Variants in STAMBPL1 observed in about 807,000 individuals in gnomAD.
The protein encoded by STAMBPL1 is STAM binding protein like 1, also known as AMSH-like protease.
Under a neutral mutation model 52.9 loss-of-function variants are expected in STAMBPL1, and 44 were observed. The observed-to-expected ratio is 0.83, with a 90% CI of 0.65 to 1.07. The LOEUF is 1.07. STAMBPL1 is among the 50% of genes least tolerant of loss of function. The pLI is 0.00. For missense variants in STAMBPL1, 511 were observed against 520.8 expected, an observed-to-expected ratio of 0.98 and a Z score of 0.18; for synonymous variants, 164 against 177.3, an observed-to-expected ratio of 0.92 and a Z score of 0.60.
intron 1 of STAMBPL1, among the ~76,000 whole-genome samples, chr10:88,896,618 G>GACAATTGGAAACAATATTTTTGAT (rs1844816873): frequency 6.6e-6 from 1 of 152,110 alleles, no homozygotes; most frequent in Non-Finnish European, 1.5e-5. Context: ...AACTGCCAAT[G>GACAATTGGAAACAATATTTTTGAT]GGCCACACCT....
Position 88,906,507 on chromosome 10 carries a change from CAAAT to C in STAMBPL1, c.248+851_248+854del, listed in dbSNP as rs773621260. Reference sequence around the variant, plus strand: ...TATTTATTAATTTTATTTAAGTTGACAAATAAAAATTATATGTATTTGTGGTATG... The same window carrying C: ...TATTTATTAATTTTATTTAAGTTGACAAAAATTATATGTATTTGTGGTATG... On this transcript the variant is annotated intron_variant, in intron 3 of 10. Transcript: ENST00000371926. Among the ~76,000 whole-genome samples, 7 of 152,174 alleles carry C rather than the reference CAAAT, an allele frequency of 4.6e-5. No homozygotes were observed. In the South Asian group the frequency reaches 6.2e-4, roughly 14 times the overall value.
intron 1 of STAMBPL1, among the ~76,000 whole-genome samples, chr10:88,887,807 C>T (rs1844575682): frequency 6.6e-6 from 1 of 152,190 alleles, no homozygotes; most frequent in Admixed American, 6.6e-5. Flanking sequence ...CAGGCATGAG[C>T]CACTGCACCC....
intron 4 of STAMBPL1, among the ~76,000 whole-genome samples, chr10:88,910,360 C>T (rs749674962): frequency 6.6e-6 from 1 of 152,166 alleles, no homozygotes; most frequent in African/African-American, 2.4e-5. Context: ...CTGCCATTAA[C>T]GATCTCTGAG....
At chr10:88,891,089 T>C (rs1283526026) in intron 1 of STAMBPL1, among the ~76,000 whole-genome samples, 1 of 152,220 alleles carries the variant, frequency 6.6e-6, no homozygotes, top group Non-Finnish European at 1.5e-5. Context: ...AAAAAGGCCA[T>C]TCTGCCTAGC....
chr10:88,913,283 G>T lies in STAMBPL1; in HGVS notation c.603G>T (p.Gly201=). The T allele has an allele frequency of 6.2e-7, 1 of 1,613,888 alleles. No homozygotes were observed. Among genetic ancestry groups the T allele is most frequent in the Non-Finnish European group, 8.5e-7 (1 of 1,179,868 alleles). The change falls in exon 6 of 11, where the codon GGG becomes GGT. Residue 201 remains glycine (G), a synonymous_variant. Transcript: ENST00000371926. Reference sequence around the variant, plus strand: ...AAATGCGAAGTCAGCAAACCTCAGGGCTGTCAGAGCAGATTGATGGGAGCG... The same window carrying T: ...AAATGCGAAGTCAGCAAACCTCAGGTCTGTCAGAGCAGATTGATGGGAGCG... ...RGQMRSQQTS[G]LSEQIDGSAL...
At chr10:88,883,857 G>A (rs1221118543) in intron 1 of STAMBPL1, among the ~76,000 whole-genome samples, 1 of 152,122 alleles carries the variant, frequency 6.6e-6, no homozygotes, top group Non-Finnish European at 1.5e-5. Flanking sequence ...TTTTGGAAAT[G>A]GGTGCATTGT....
At chr10:88,915,571 C>A (rs564347442) in intron 7 of STAMBPL1, among the ~76,000 whole-genome samples, 1 of 152,174 alleles carries the variant, frequency 6.6e-6, no homozygotes, top group African/African-American at 2.4e-5. Flanking sequence ...TTGACTGATT[C>A]GTTCACTCCA....
intron 6 of STAMBPL1, among the ~76,000 whole-genome samples, chr10:88,913,705 A>G (rs542951372): frequency 2.1e-5 from 3 of 145,428 alleles, no homozygotes; most frequent in Non-Finnish European, 4.6e-5. Flanking sequence ...GTATTTTGTC[A>G]TTGACAGAGG....
chr10:88,921,388 C>T lies in STAMBPL1; in HGVS notation c.1147C>T (p.His383Tyr). Reference sequence around the variant, plus strand: ...CATTGCCATTGTTTGCTCACCAAAGCATAAAGAGTAAGTGTAACTCTTCAG... The same window carrying T: ...CATTGCCATTGTTTGCTCACCAAAGTATAAAGAGTAAGTGTAACTCTTCAG... ...EAIAIVCSPK[H>Y]KDTGIFRLTN... Residue 383 changes from histidine (H) to tyrosine (Y), a missense_variant, in exon 9 of 11, where the codon CAT becomes TAT. Physicochemically the swap from His to Tyr is moderately conservative, Grantham distance 83 (BLOSUM62 2). Coordinates refer to ENST00000371926, the MANE Select transcript of STAMBPL1 (RefSeq NM_020799.4). 1 of 1,612,010 alleles carries T rather than the reference C, an allele frequency of 6.2e-7. No homozygotes were observed. Among genetic ancestry groups the T allele is most frequent in the Non-Finnish European group, 8.5e-7 (1 of 1,178,398 alleles).
chr10:88,896,109 C>G (rs1021176612), intron 1 of STAMBPL1, among the ~76,000 whole-genome samples: 2 of 152,098 alleles, frequency 1.3e-5, no homozygotes, highest in African/African-American at 4.8e-5. Context: ...GGGAAAAAAT[C>G]CAATAAAAGC....
At chr10:88,884,948 G>C (rs897937845) in intron 1 of STAMBPL1, among the ~76,000 whole-genome samples, 3 of 152,174 alleles carry the variant, frequency 2.0e-5, no homozygotes, top group African/African-American at 7.2e-5. Context: ...TTTTAGGGAG[G>C]ATTAAATAAA....
chr10:88,882,844 G>A (rs1844439311), intron 1 of STAMBPL1: 1 of 152,100 alleles, frequency 6.6e-6, no homozygotes, highest in Non-Finnish European at 1.5e-5. Context: ...CTAAATAAAT[G>A]ACAAATTTTA....
chr10:88,888,991 T>C (rs1052677869), intron 1 of STAMBPL1, among the ~76,000 whole-genome samples: 1 of 152,232 alleles, frequency 6.6e-6, no homozygotes, highest in Non-Finnish European at 1.5e-5. Flanking sequence ...AATTCCAGTA[T>C]ACTTAATGAA....
intron 10 of STAMBPL1, 49 bp from the exon 11 acceptor site, chr10:88,923,119 C>A: frequency 7.5e-7 from 1 of 1,327,696 alleles, no homozygotes; most frequent in Non-Finnish European, 1.1e-6. Flanking sequence ...ATATGGTAAA[C>A]ATTATGGTGA....
At chr10:88,887,056 G>A (rs1844553071) in intron 1 of STAMBPL1, among the ~76,000 whole-genome samples, 3 of 152,130 alleles carry the variant, frequency 2.0e-5, no homozygotes, top group Non-Finnish European at 4.4e-5. Flanking sequence ...TTTTGTCCTT[G>A]AAAGGTTGGT....
chr10:88,902,277 T>C (rs1844961008), intron 2 of STAMBPL1, among the ~76,000 whole-genome samples: 1 of 152,208 alleles, frequency 6.6e-6, no homozygotes, highest in African/African-American at 2.4e-5. Flanking sequence ...TCTCTGAGTG[T>C]GAATATAGAC....
chr10:88,880,741 C>A (rs1166371808), intron 1 of STAMBPL1, 103 bp downstream of exon 1: 2 of 152,232 alleles, frequency 1.3e-5, no homozygotes, highest in Non-Finnish European at 2.9e-5. Context: ...GGCCCTTCCG[C>A]TGGCAGCGTC....
At chr10:88,921,244 C>A in intron 8 of STAMBPL1, 39 bp from the exon 9 acceptor site, 11 of 1,532,144 alleles carry the variant, frequency 7.2e-6, no homozygotes, top group Non-Finnish European at 9.9e-6. Context: ...TTGGCTAAGA[C>A]AGCTATCCTA....
intron 1 of STAMBPL1, among the ~76,000 whole-genome samples, chr10:88,890,981 T>A (rs995789188): frequency 6.6e-5 from 10 of 152,240 alleles, no homozygotes; most frequent in Non-Finnish European, 5.9e-5. Flanking sequence ...AGTGCCTCGT[T>A]TGGGCAGATC....
Sources: gnomAD v4.1 joint callset for allele counts (sites outside exome capture counted in the v4.1 genomes callset) on GRCh38, gnomAD v4.1.1 for gene constraint, MANE v1.5 for transcripts, NCBI Gene and HGNC (gene_info 2026-07-23, HGNC 2026-07-21) for gene names.